Variants in CATSPERG observed in about 807,000 individuals in gnomAD.
The protein encoded by CATSPERG is cation channel sperm-associated auxiliary subunit gamma.
A neutral mutation model predicts 145.0 loss-of-function variants in CATSPERG; 115 were observed. That is an observed-to-expected ratio of 0.79 (90% CI 0.68 to 0.93). The LOEUF is 0.93. Among genes scored for constraint, CATSPERG ranks in the 40% least tolerant of loss-of-function variants. The probability of loss-of-function intolerance (pLI) is 0.00; values close to 1 mark genes in which losing one functional copy is unlikely to be tolerated. For synonymous variants in CATSPERG, 588 were observed against 589.0 expected, an observed-to-expected ratio of 1.00 and a Z score of 0.02; for missense variants, 1,296 against 1,490.1, an observed-to-expected ratio of 0.87 and a Z score of 2.14.
intron 17 of CATSPERG, 78 bp downstream of exon 17, chr19:38,361,939 T>C: frequency 1.1e-6 from 1 of 871,370 alleles, no homozygotes; most frequent in South Asian, 1.5e-5. Flanking sequence ...GCGAGGCCTG[T>C]GGAGCGGAGC....
At chr19:38,356,716 C>T (rs1284210281) in intron 10 of CATSPERG, 26 bp from the exon 11 acceptor site, 1 of 1,613,224 alleles carries the variant, frequency 6.2e-7, no homozygotes, top group African/African-American at 1.3e-5. Context: ...CCTGGGGCGG[C>T]TCTGGACTGC....
chr19:38,364,945 C>T lies in CATSPERG; in HGVS notation c.2530C>T (p.Leu844Phe). The part of the protein sequence containing the change: ...CYDQGISGHH[L>F]METSMTVNVV... ...TGACCAAGGCATTAGTGGACATCACCTTATGGAGACTTCCATGACGGTCAA... is the reference window on the plus strand; with the variant it reads ...TGACCAAGGCATTAGTGGACATCACTTTATGGAGACTTCCATGACGGTCAA... The change falls in exon 21 of 29, where the codon CTT (leucine) becomes TTT (phenylalanine). Residue 844 changes from leucine (L) to phenylalanine (F), a missense_variant. Transcript: ENST00000409235. 6.2e-7 allele frequency: 1 copy of T among 1,614,088 alleles called. No homozygotes were observed. The highest frequency in any genetic ancestry group is 2.2e-5 in the East Asian group (1 of 44,876).
chr19:38,359,617 G>A, intron 14 of CATSPERG, 36 bp downstream of exon 14: 1 of 1,572,326 alleles, frequency 6.4e-7, no homozygotes, highest in Non-Finnish European at 8.7e-7. Context: ...TTCCCTCTCT[G>A]CCCACCCCCA....
chr19:38,360,882 C>A (rs766484004), intron 16 of CATSPERG, 39 bp downstream of exon 16: 12 of 1,474,374 alleles, frequency 8.1e-6, no homozygotes, highest in Non-Finnish European at 1.1e-5. Context: ...TCTGAGGGCT[C>A]CCGGCACTGC....
intron 22 of CATSPERG, chr19:38,366,512 G>A (rs748530273): frequency 6.6e-6 from 1 of 152,508 alleles, no homozygotes; most frequent in African/African-American, 2.4e-5. Flanking sequence ...TATGTGAGCT[G>A]GCTCCTCGGG....
In CATSPERG at chr19:38,362,431, A is replaced by G; in HGVS notation, c.2213A>G (p.Glu738Gly). The part of the protein sequence containing the change: ...NWRSAGGVSI[E>G]MDSYEKIYNL... ...CGAAGCGCGGGCGGCGTGTCCATAG[A>G]AATGGACAGCTACGAAAAGATCTAC... The change falls in exon 19 of 29, where the codon GAA becomes GGA. Residue 738 changes from glutamate (E) to glycine (G), a missense_variant. Coordinates refer to ENST00000409235, the MANE Select transcript of CATSPERG (RefSeq NM_021185.5). 16 of 1,614,102 alleles carry G rather than the reference A, an allele frequency of 9.9e-6. No individual in the cohort carries two copies. The highest frequency in any genetic ancestry group is 1.4e-5 in the Non-Finnish European group (16 of 1,180,016).
chr19:38,349,196 A>G (rs1343567701), intron 7 of CATSPERG: 4 of 151,984 alleles, frequency 2.6e-5, no homozygotes, highest in Admixed American at 6.6e-5. Flanking sequence ...CAGTGATGCA[A>G]TCTTGGCTCA....
At chr19:38,358,105 G>A in intron 11 of CATSPERG, 173 bp from the exon 12 acceptor site, 1 of 634,176 alleles carries the variant, frequency 1.6e-6, no homozygotes, top group Non-Finnish European at 2.8e-6. Context: ...GCGACAGGGA[G>A]ATCCTGTCTC....
chr19:38,339,102 T>G (rs1160191074), intron 3 of CATSPERG, among the ~76,000 whole-genome samples: 1 of 152,080 alleles, frequency 6.6e-6, no homozygotes, highest in Non-Finnish European at 1.5e-5. Flanking sequence ...TTATTGGTAA[T>G]CCAACAAAGA....
rs1226984612 is a variant in CATSPERG at position 38,344,463 on chromosome 19, G to A, written c.669+95G>A. On this transcript the variant is annotated intron_variant, in intron 6 of 28. Transcript: ENST00000409235. ...ACAAGCAGCAGATCCCATTTAGGGA[G>A]CACCAACTTCATGCCAGGCCCCACA... 4 of 1,073,372 alleles carry A rather than the reference G, an allele frequency of 3.7e-6. No homozygotes were observed. The East Asian group carries it at 1.0e-4, about 28-fold the overall frequency. 66.5% of individuals were successfully genotyped at this position (1,073,372 alleles called of 1,614,324 possible).
chr19:38,342,664 C>T (rs965890167), intron 3 of CATSPERG, among the ~76,000 whole-genome samples: 4 of 151,370 alleles, frequency 2.6e-5, no homozygotes, highest in East Asian at 1.9e-4. Flanking sequence ...TCAGCCCTCT[C>T]GATGAAGGGC....
chr19:38,351,477 A>G (rs1278448495), intron 7 of CATSPERG, among the ~76,000 whole-genome samples: 1 of 151,918 alleles, frequency 6.6e-6, no homozygotes, highest in African/African-American at 2.4e-5. Flanking sequence ...GCTTGGTGGT[A>G]GGTGCCTGTA....
rs778477137 is a variant in CATSPERG at position 38,362,848 on chromosome 19, G to A, written c.2475+16G>A. 1.1e-5 allele frequency: 15 copies of A among 1,398,164 alleles called. No individual in the cohort carries two copies. The highest frequency in any genetic ancestry group is 4.2e-5 in the African/African-American group (3 of 70,784). 86.6% of individuals were successfully genotyped at this position (1,398,164 alleles called of 1,614,324 possible). A position where few individuals can be genotyped will look rare whatever the true frequency, so the allele number is the denominator to read the frequency against. On this transcript the variant is annotated intron_variant, in intron 20 of 28. Transcript: ENST00000409235. ...GCTATTTTCGGTGAGGCCCCCCGGG[G>A]AGTTGGGATCAAGGGAGGTTTTGTT...
chr19:38,364,322 T>G (rs1442869312), intron 20 of CATSPERG, among the ~76,000 whole-genome samples: 1 of 148,788 alleles, frequency 6.7e-6, no homozygotes, highest in Non-Finnish European at 1.5e-5. Flanking sequence ...ACCTCCCAGA[T>G]GGGGTCGCGA....
At position 38,362,396 on chromosome 19, in the gene CATSPERG, G is replaced by C; in HGVS notation, c.2178G>C (p.Ala726=). 6.2e-7 allele frequency: 1 copy of C among 1,614,174 alleles called. No individual in the cohort carries two copies. The highest frequency in any genetic ancestry group is 8.5e-7 in the Non-Finnish European group (1 of 1,180,024). ...CCCAGGATTACTACTTCTTCTTGGC[G>C]AGCAATTGGCGAAGCGCGGGCGGCG... is the stretch of plus-strand genomic sequence containing the variant. ...KQDQDYYFFL[A]SNWRSAGGVS... is the part of the protein sequence containing the mutation. Residue 726 remains alanine (A), a synonymous_variant, in exon 19 of 29, where the codon GCG becomes GCC. Coordinates refer to ENST00000409235, the MANE Select transcript of CATSPERG (RefSeq NM_021185.5).
intron 3 of CATSPERG, among the ~76,000 whole-genome samples, chr19:38,340,128 A>G (rs1969912677): frequency 6.6e-6 from 1 of 152,114 alleles, no homozygotes; most frequent in African/African-American, 2.4e-5. Flanking sequence ...TGCTGGGACT[A>G]CAGGCGTGAG....
At chr19:38,346,702 C>T in intron 7 of CATSPERG, 97 bp downstream of exon 7, 2 of 1,149,204 alleles carry the variant, frequency 1.7e-6, no homozygotes, top group South Asian at 3.5e-5. Context: ...TAGAAGTCCC[C>T]AAAGACATAT....
rs1408267096 is a variant in CATSPERG, at chr19:38,368,209, C to T, written c.3020+72C>T. 5 of 1,300,344 alleles carry T rather than the reference C, an allele frequency of 3.8e-6. No homozygotes were observed. In the Admixed American group the frequency reaches 7.0e-5, roughly 18 times the overall value. 80.6% of individuals were successfully genotyped at this position (1,300,344 alleles called of 1,614,324 possible). On this transcript the variant is annotated intron_variant, in intron 26 of 28. Transcript: ENST00000409235. ...CATTGGGCCCACCTATCCTTTCTGC[C>T]CCTAGGAGGCCTCTTGATCCCCAAG...
chr19:38,337,279 A>G lies in CATSPERG; in HGVS notation c.45A>G (p.Arg15=). Residue 15 remains arginine (R), a synonymous_variant, in exon 2 of 29, where the codon AGA becomes AGG. Transcript: ENST00000409235. ...TCCCTGCCGGTCCTCCGTGGCCCAGAGTCCGAGTCGTGCAGGTGCTGTGGG... is the reference window on the plus strand; with the variant it reads ...TCCCTGCCGGTCCTCCGTGGCCCAGGGTCCGAGTCGTGCAGGTGCTGTGGG... ...AMFPAGPPWP[R]VRVVQVLWAL... is the part of the protein sequence containing the mutation. 6.4e-7 allele frequency: 1 copy of G among 1,551,480 alleles called. No homozygotes were observed. The highest frequency in any genetic ancestry group is 8.7e-7 in the Non-Finnish European group (1 of 1,147,006).
Sources: allele counts gnomAD v4.1 joint callset (sites outside exome capture counted in the v4.1 genomes callset), GRCh38; gene constraint gnomAD v4.1.1; transcripts MANE v1.5; gene names NCBI Gene and HGNC (gene_info 2026-07-23, HGNC 2026-07-21).